The following SF3B2 variants were observed in gnomAD, a reference collection of about 807,000 sequenced individuals.
SF3B2 encodes the protein splicing factor 3b subunit 2.
In SF3B2, 22 loss-of-function variants were observed where a neutral mutation model predicts 116.3. The ratio of observed to expected loss-of-function variants is 0.19; its 90% CI spans 0.14 to 0.27. The LOEUF (loss-of-function observed/expected upper bound fraction) is 0.27. Ranked by LOEUF, SF3B2 falls within the 10% of genes least tolerant of loss-of-function variation. SF3B2 has a pLI of 1.00. For synonymous variants in SF3B2, 406 were observed against 421.6 expected (o/e 0.96, Z 0.45); for missense variants, 767 against 1,151.4 (o/e 0.67, Z 4.83).
chr11:66,060,834 C>A, intron 14 of SF3B2, 103 bp downstream of exon 14: 1 of 1,294,464 alleles, frequency 7.7e-7, no homozygotes, highest in Non-Finnish European at 1.1e-6. Flanking sequence ...GAGTCTCACC[C>A]TGTTATCCAG....
At position 66,057,473 on chromosome 11, in the gene SF3B2, G is replaced by T. The variant is rs955863816; in HGVS notation, c.777+98G>T. 3 of 694,926 alleles carry T rather than the reference G, an allele frequency of 4.3e-6. No individual in the cohort carries two copies. Among genetic ancestry groups the T allele is most frequent in the Middle Eastern group, 2.6e-4 (1 of 3,894 alleles). 43.0% of individuals were successfully genotyped at this position (694,926 alleles called of 1,614,324 possible). A position where few individuals can be genotyped will look rare whatever the true frequency, so the allele number is the denominator to read the frequency against. On this transcript the variant is annotated intron_variant, in intron 7 of 21. Transcript: ENST00000322535. ...GAAAGGTTCTGTGAGAAGATGGGGG[G>T]ACTTAAATTCCTGGGGGTAGTGGGG... is the stretch of plus-strand genomic sequence containing the variant.
At chr11:66,057,938 C>G (rs2135043780) in intron 7 of SF3B2, 116 bp from the exon 8 acceptor site, 1 of 785,120 alleles carries the variant, frequency 1.3e-6, no homozygotes, top group East Asian at 2.9e-5. Flanking sequence ...CGCCATTGCA[C>G]TCCAGCCTGG....
chr11:66,062,353 C>T (rs1857112915), intron 16 of SF3B2, among the ~76,000 whole-genome samples: 1 of 151,880 alleles, frequency 6.6e-6, no homozygotes, highest in South Asian at 2.1e-4. Flanking sequence ...AATTTTATCT[C>T]AGCCAGATGT....
chr11:66,052,799 ATTCT>A (rs1487415441), intron 2 of SF3B2, 80 bp downstream of exon 2: 9 of 1,463,826 alleles, frequency 6.1e-6, no homozygotes, highest in Non-Finnish European at 6.5e-6. Flanking sequence ...CTCGGTCTTC[ATTCT>A]TTCTTTATCT....
rs533705231 is a variant in SF3B2 at position 66,061,621 on chromosome 11, C to T, written c.1780-65C>T. 19 of 1,192,308 alleles carry T rather than the reference C, an allele frequency of 1.6e-5. 1 individual carries two copies. In the East Asian group the frequency reaches 1.9e-4, roughly 12 times the overall value. 73.9% of individuals were successfully genotyped at this position (1,192,308 alleles called of 1,614,324 possible). A position where few individuals can be genotyped will look rare whatever the true frequency, so the allele number is the denominator to read the frequency against. On this transcript the variant is annotated intron_variant, in intron 14 of 21. Coordinates refer to ENST00000322535, the MANE Select transcript of SF3B2 (RefSeq NM_006842.3). The stretch of plus-strand genomic sequence containing the variant: ...TCACTGGGATTTTATATCTGATGTG[C>T]GTTAGGATTGTGCTCCCACTGAGTG...
In SF3B2 at chr11:66,059,655, C is replaced by G. The variant is rs184472717; in HGVS notation, c.1401+60C>G. ...CCAGCTGGGAGACCACCTGGGGAGC[C>G]AGGGAGGTGAAAAGGAGTTCTTTGA... On this transcript the variant is annotated intron_variant, in intron 12 of 21. Transcript: ENST00000322535. The surrounding 1 kb of genome is among the most constrained non-coding windows in gnomAD (Gnocchi z 5.0). 6.3e-7 allele frequency: 1 copy of G among 1,596,036 alleles called. No individual in the cohort carries two copies. The highest frequency in any genetic ancestry group is 1.3e-5 in the African/African-American group (1 of 74,486).
Position 66,058,935 on chromosome 11 carries a change from C to T in SF3B2, c.1072C>T (p.Arg358Cys), listed in dbSNP as rs200930603. Reference sequence around the variant, plus strand: ...CCGGGAGAAAGACTCAACCCGGTCCCGTGGCTCTGATTCCCCAGCAGCTGA... The same window carrying T: ...CCGGGAGAAAGACTCAACCCGGTCCTGTGGCTCTGATTCCCCAGCAGCTGA... ...GDREKDSTRS[R>C]GSDSPAADVE... The change falls in exon 10 of 22, where the codon CGT becomes TGT. Residue 358 changes from arginine (R) to cysteine (C), a missense_variant. Arg to Cys is a radical substitution (Grantham distance 180). Transcript: ENST00000322535. The T allele has an allele frequency of 1.7e-5, 28 of 1,614,060 alleles. No individual in the cohort carries two copies. Among genetic ancestry groups the T allele is most frequent in the East Asian group, 8.9e-5 (4 of 44,876 alleles).
chr11:66,057,945 C>G, intron 7 of SF3B2, 109 bp from the exon 8 acceptor site: 1 of 832,722 alleles, frequency 1.2e-6, no homozygotes, highest in Non-Finnish European at 1.8e-6. Context: ...GCACTCCAGC[C>G]TGGGCAACAA....
chr11:66,063,314 C>G, intron 17 of SF3B2, 86 bp from the exon 18 acceptor site: 1 of 1,347,958 alleles, frequency 7.4e-7, no homozygotes, highest in East Asian at 2.4e-5. Context: ...TGTGTTTTGA[C>G]TCTTACACCC....
rs1857202445 is a variant in SF3B2 at position 66,067,161 on chromosome 11, CA to C, written c.2331-784del. The C allele has an allele frequency of 1.2e-5, 3 of 254,850 alleles. No homozygotes were observed. In the South Asian group the frequency reaches 1.2e-4, roughly 10 times the overall value. The allele number at this position is 254,850 out of a possible 1,614,324, so 15.8% of individuals were successfully genotyped here. ...GTATCTGGTTCCTCTTGCTCCTTGT[CA>C]GGAAGCAGAAGTCTCAAGCTTTGCA... On this transcript the variant is annotated intron_variant, in intron 19 of 21. Coordinates refer to ENST00000322535, the MANE Select transcript of SF3B2 (RefSeq NM_006842.3).
intron 14 of SF3B2, 103 bp downstream of exon 14, chr11:66,060,834 C>T: frequency 7.7e-7 from 1 of 1,294,466 alleles, no homozygotes; most frequent in Non-Finnish European, 1.1e-6. Context: ...GAGTCTCACC[C>T]TGTTATCCAG....
chr11:66,054,477 CAAA>C (rs5792379), intron 3 of SF3B2, among the ~76,000 whole-genome samples: 6 of 139,990 alleles, frequency 4.3e-5, no homozygotes, highest in Admixed American at 1.4e-4. Context: ...ACTCTTGTCT[CAAA>C]AAAAAAAAAA....
chr11:66,053,369 A>G, intron 3 of SF3B2: 1 of 486,530 alleles, frequency 2.1e-6, no homozygotes, highest in Non-Finnish European at 3.8e-6. Context: ...CTCCTTTTCC[A>G]CTGTCTGCTT....
chr11:66,057,197 AAG>A (rs1267432814), intron 6 of SF3B2, 67 bp from the exon 7 acceptor site: 63 of 1,051,352 alleles, frequency 6.0e-5, no homozygotes, highest in East Asian at 4.7e-4. Flanking sequence ...CCCTTTCAGC[AAG>A]AGAGGTAATT....
At chr11:66,062,241 A>G (rs1857111456) in intron 16 of SF3B2, among the ~76,000 whole-genome samples, 1 of 152,250 alleles carries the variant, frequency 6.6e-6, no homozygotes, top group Non-Finnish European at 1.5e-5. Flanking sequence ...TACAAAGATG[A>G]AAGCAAGTCA....
In SF3B2 at chr11:66,059,787, G is replaced by A; in HGVS notation, c.1407G>A (p.Val469=). 6.2e-7 allele frequency: 1 copy of A among 1,614,206 alleles called. No homozygotes were observed. Among genetic ancestry groups the A allele is most frequent in the Non-Finnish European group, 8.5e-7 (1 of 1,180,026 alleles). The part of the protein sequence containing the change: ...RFTVAELKQL[V]ARPDVVEMHD... ...CATTACTATGTGTTTTCCAGCTGGT[G>A]GCTCGGCCCGATGTCGTGGAGATGC... Residue 469 remains valine (V), a synonymous_variant, in exon 13 of 22, where the codon GTG becomes GTA. Transcript: ENST00000322535. The surrounding 1 kb of genome is among the most constrained non-coding windows in gnomAD (Gnocchi z 5.0).
At chr11:66,064,505 A>G (rs1195219559) in intron 19 of SF3B2, 1 of 152,170 alleles carries the variant, frequency 6.6e-6, no homozygotes, top group Admixed American at 6.5e-5. Context: ...TATAAATCCT[A>G]TACTATATAG....
At position 66,055,118 on chromosome 11, in the gene SF3B2, C is replaced by A. The variant is rs775280803; in HGVS notation, c.301C>A (p.Pro101Thr). 16 of 1,556,322 alleles carry A rather than the reference C, an allele frequency of 1.0e-5. No individual in the cohort carries two copies. The highest frequency in any genetic ancestry group is 4.8e-5 in the South Asian group (4 of 83,294). Residue 101 changes from proline (P) to threonine (T), a missense_variant, in exon 4 of 22, where the codon CCT becomes ACT. Pro to Thr is a conservative substitution (Grantham distance 38, BLOSUM62 -1). Around this residue, in one of 4 missense-constraint regions of SF3B2, gnomAD observed 455 missense variants for 537.5 expected, o/e 0.85. Coordinates refer to ENST00000322535, the MANE Select transcript of SF3B2 (RefSeq NM_006842.3). ...GCCACCACCACCTTTGGGACTCCCC[C>A]CTCTGCAGCCTCCTCCGCCACCCCC... ...PMPPPPLGLP[P>T]LQPPPPPPPP...
intron 5 of SF3B2, chr11:66,055,942 A>G (rs1299234072): frequency 1.2e-5 from 3 of 251,656 alleles, no homozygotes; most frequent in African/African-American, 6.7e-5. Context: ...CTTACATGAC[A>G]TCATTCTAGA....
Sources: gnomAD v4.1 joint callset for allele counts (sites outside exome capture counted in the v4.1 genomes callset) on GRCh38, gnomAD v4.1.1 for gene constraint, gnomAD v4.1.1 regional missense constraint, Gnocchi (gnomAD v3.1) non-coding constraint, MANE v1.5 for transcripts, NCBI Gene and HGNC (gene_info 2026-07-23, HGNC 2026-07-21) for gene names.